Variants in CTNNA3 observed in about 807,000 individuals in gnomAD.
The protein encoded by CTNNA3 is catenin alpha-3.
In CTNNA3, 76 loss-of-function variants were observed where a neutral mutation model predicts 95.7. The ratio of observed to expected loss-of-function variants is 0.79; its 90% CI spans 0.66 to 0.96. The LOEUF (loss-of-function observed/expected upper bound fraction) is 0.96. Among genes scored for constraint, CTNNA3 ranks in the 40% least tolerant of loss-of-function variants. The pLI is 0.00. For missense variants in CTNNA3, 1,191 were observed against 1,089.8 expected (o/e 1.09, Z -1.31); for synonymous variants, 431 against 374.4 (o/e 1.15, Z -1.74).
At chr10:67,739,908 T>C (rs1841325465) in intron 1 of CTNNA3, among the ~76,000 whole-genome samples, 1 of 152,060 alleles carries the variant, frequency 6.6e-6, no homozygotes, top group Non-Finnish European at 1.5e-5. Context: ...CTTCAAACTA[T>C]ACTACAAGGC....
chr10:66,231,256 G>T (rs990450453), intron 13 of CTNNA3, among the ~76,000 whole-genome samples: 6 of 151,916 alleles, frequency 3.9e-5, no homozygotes. Flanking sequence ...AGCTCCTCTT[G>T]GCTTGCAGAC....
chr10:67,670,312 C>T (rs1355053110), intron 1 of CTNNA3, among the ~76,000 whole-genome samples: 2 of 152,150 alleles, frequency 1.3e-5, no homozygotes, highest in Non-Finnish European at 1.5e-5. Flanking sequence ...TTACTCATGT[C>T]TTTCATTGAC....
chr10:67,084,859 T>C (rs191753417), intron 7 of CTNNA3, among the ~76,000 whole-genome samples: 160 of 152,078 alleles, frequency 1.1e-3, no homozygotes, highest in African/African-American at 3.4e-3. Flanking sequence ...GGTTATAGAT[T>C]AGCAGTATAA....
intron 5 of CTNNA3, among the ~76,000 whole-genome samples, chr10:67,230,842 T>C (rs77961776): frequency 6.6e-6 from 1 of 151,882 alleles, no homozygotes; most frequent in African/African-American, 2.4e-5. Context: ...CGAAGCAGGG[T>C]GAGGCATTGC....
chr10:67,186,207 T>A (rs1410118211), intron 6 of CTNNA3, among the ~76,000 whole-genome samples: 1 of 152,136 alleles, frequency 6.6e-6, no homozygotes, highest in Non-Finnish European at 1.5e-5. Flanking sequence ...AGGAAAAAAC[T>A]GATTACATTT....
chr10:67,350,876 CA>C (rs67407899), intron 5 of CTNNA3, among the ~76,000 whole-genome samples: 129,414 of 145,490 alleles, frequency 0.89, 58,413 homozygotes, highest in East Asian at 1. Context: ...TCTATTCATA[CA>C]AAAAAAAAAA....
chr10:67,219,524 C>A, intron 6 of CTNNA3, 83 bp downstream of exon 6: 1 of 1,430,872 alleles, frequency 7.0e-7, no homozygotes. Flanking sequence ...CTCTAAACGC[C>A]AACATGTGGA....
upstream of CTNNA3, chr10:67,696,306 C>T (rs1481289317): frequency 6.6e-6 from 1 of 152,134 alleles, no homozygotes; most frequent in Non-Finnish European, 1.5e-5. Context: ...ACATACTTTG[C>T]CTAGAGACCT....
intron 11 of CTNNA3, among the ~76,000 whole-genome samples, chr10:66,413,353 C>T (rs2093123044): frequency 6.8e-6 from 1 of 147,800 alleles, no homozygotes; most frequent in East Asian, 2.0e-4. Context: ...GTATCACATT[C>T]AAGTTTAAAA....
At chr10:67,691,044 G>C (rs912094161) in intron 1 of CTNNA3, among the ~76,000 whole-genome samples, 2 of 152,198 alleles carry the variant, frequency 1.3e-5, no homozygotes, top group Non-Finnish European at 2.9e-5. Context: ...GGCGCGCGCC[G>C]CCACGCCTGA....
At chr10:66,672,439 G>A (rs1348345319) in intron 9 of CTNNA3, among the ~76,000 whole-genome samples, 2 of 151,952 alleles carry the variant, frequency 1.3e-5, no homozygotes, top group African/African-American at 4.8e-5. Context: ...CTTTCCTATT[G>A]AAAGTAATAA....
At chr10:66,793,778 A>AAAT (rs772746922) in intron 7 of CTNNA3, among the ~76,000 whole-genome samples, 22 of 152,064 alleles carry the variant, frequency 1.4e-4, no homozygotes, top group Non-Finnish European at 3.2e-4. Flanking sequence ...GATGTCTCTT[A>AAAT]AATAGACTTA....
At chr10:67,013,498 G>A (rs192319353) in intron 7 of CTNNA3, among the ~76,000 whole-genome samples, 21 of 152,214 alleles carry the variant, frequency 1.4e-4, no homozygotes, top group African/African-American at 4.1e-4. Flanking sequence ...GTCCATTCAC[G>A]TGCTGTGCAA....
At chr10:67,387,243 G>T (rs944936784) in intron 5 of CTNNA3, among the ~76,000 whole-genome samples, 1 of 152,172 alleles carries the variant, frequency 6.6e-6, no homozygotes. Flanking sequence ...TTGCCTCACT[G>T]GGGAAGCGCA....
intron 7 of CTNNA3, among the ~76,000 whole-genome samples, chr10:67,174,015 T>C (rs774841661): frequency 6.6e-6 from 1 of 152,228 alleles, no homozygotes; most frequent in Non-Finnish European, 1.5e-5. Context: ...ACCTCTGTAT[T>C]GCTCTCTGCT....
intron 11 of CTNNA3, among the ~76,000 whole-genome samples, chr10:66,500,267 G>C (rs1168159313): frequency 1.3e-5 from 2 of 152,066 alleles, no homozygotes; most frequent in Non-Finnish European, 2.9e-5. Context: ...AATAGTGATA[G>C]TATAAATATA....
Position 67,025,442 on chromosome 10 carries a change from C to T in CTNNA3, c.1047+154875G>A, listed in dbSNP as rs201967519. ...TGATATACTTGTTCTCTCCTAAGTA[C>T]AATGCTTGGGAAAATAAGATCATAG... On this transcript the variant is annotated intron_variant, in intron 7 of 17. Transcript: ENST00000433211. Among the ~76,000 whole-genome samples the T allele has an allele frequency of 6.6e-5, 10 of 152,060 alleles. 1 individual carries two copies. In the South Asian group the frequency reaches 2.1e-3, roughly 32 times the overall value.
At chr10:66,070,771 T>C (rs548926251) in intron 14 of CTNNA3, among the ~76,000 whole-genome samples, 68 of 152,248 alleles carry the variant, frequency 4.5e-4, no homozygotes, top group African/African-American at 1.2e-3. Flanking sequence ...CCACCTGCCA[T>C]GCAGGGAACA....
intron 5 of CTNNA3, among the ~76,000 whole-genome samples, chr10:67,241,456 C>A (rs1189708804): frequency 2.6e-5 from 4 of 151,778 alleles, no homozygotes; most frequent in African/African-American, 9.7e-5. Flanking sequence ...AAAATTTTTC[C>A]TCTAAAGCAT....
Sources: allele counts gnomAD v4.1 joint callset (sites outside exome capture counted in the v4.1 genomes callset), GRCh38; gene constraint gnomAD v4.1.1; transcripts MANE v1.5; gene names NCBI Gene and HGNC (gene_info 2026-07-23, HGNC 2026-07-21).